The following MINDY4 variants were observed in gnomAD, a reference collection of about 807,000 sequenced individuals.
The protein encoded by MINDY4 is probable ubiquitin carboxyl-terminal hydrolase MINDY-4.
Under a neutral mutation model 87.0 loss-of-function variants are expected in MINDY4, and 68 were observed. That is an observed-to-expected ratio of 0.78 (90% CI 0.64 to 0.96). The LOEUF (loss-of-function observed/expected upper bound fraction) is 0.96, where lower values mean the gene tolerates loss of function less well. MINDY4 is among the 40% of genes least tolerant of loss of function. The pLI is 0.00. For synonymous variants in MINDY4, 379 were observed against 363.2 expected (o/e 1.04, Z -0.50); for missense variants, 919 against 928.2 (o/e 0.99, Z 0.13).
intron 13 of MINDY4, among the ~76,000 whole-genome samples, chr7:30,867,431 A>C (rs1789973909): frequency 6.6e-6 from 1 of 152,144 alleles, no homozygotes. Flanking sequence ...CCGAATGCCA[A>C]ATGCTTTATA....
At chr7:30,866,797 T>C (rs373458904) in intron 13 of MINDY4, among the ~76,000 whole-genome samples, 40 of 152,042 alleles carry the variant, frequency 2.6e-4, no homozygotes, top group African/African-American at 8.7e-4. Flanking sequence ...TGGGAAGAGG[T>C]GGGTGGCAGA....
chr7:30,872,232 G>T lies in MINDY4; in HGVS notation c.1746-11G>T, dbSNP rs201431961. On this transcript the variant is annotated splice_polypyrimidine_tract_variant and intron_variant, in intron 13 of 17. Coordinates refer to ENST00000265299, the MANE Select transcript of MINDY4 (RefSeq NM_032222.3). The stretch of plus-strand genomic sequence containing the variant: ...CAGAGCTGTGCTAACAATGCTTCTT[G>T]TGTTTTCCAGCATCCGCCAGGACTT... 1.4e-5 allele frequency: 23 copies of T among 1,614,032 alleles called. No individual in the cohort carries two copies. Among genetic ancestry groups the T allele is most frequent in the Non-Finnish European group, 1.9e-5 (22 of 1,179,938 alleles).
intron 12 of MINDY4, among the ~76,000 whole-genome samples, chr7:30,856,093 G>A (rs1789560937): frequency 6.6e-6 from 1 of 152,164 alleles, no homozygotes; most frequent in African/African-American, 2.4e-5. Context: ...CCAGCTGGAG[G>A]ATGCCCCCAC....
rs542348378 is a variant in MINDY4 at position 30,839,409 on chromosome 7, A to G, written c.1356+93A>G. ...CCCAGTTTTGGTTAATCCTGTGAGC[A>G]TTAGCTGAGCTATTCTGGACCAGCC... On this transcript the variant is annotated intron_variant, in intron 8 of 17. Transcript: ENST00000265299. 5.5e-6 allele frequency: 4 copies of G among 722,348 alleles called. 1 individual carries two copies. The South Asian group carries it at 6.6e-5, about 12-fold the overall frequency. The allele number at this position is 722,348 out of a possible 1,614,324, so 44.7% of individuals were successfully genotyped here.
intron 3 of MINDY4, 67 bp downstream of exon 3, chr7:30,782,279 A>C: frequency 8.1e-7 from 1 of 1,235,870 alleles, no homozygotes; most frequent in Non-Finnish European, 1.1e-6. Context: ...TATGTACTTC[A>C]TGGCTGTTTC....
At chr7:30,879,502 C>T (rs1364607007) in intron 15 of MINDY4, among the ~76,000 whole-genome samples, 1 of 152,230 alleles carries the variant, frequency 6.6e-6, no homozygotes, top group South Asian at 2.1e-4. Flanking sequence ...CTTCTCACCA[C>T]CCCCAATGCC....
At chr7:30,786,958 A>G (rs949691654) in intron 4 of MINDY4, among the ~76,000 whole-genome samples, 1 of 152,234 alleles carries the variant, frequency 6.6e-6, no homozygotes, top group Non-Finnish European at 1.5e-5. Flanking sequence ...AGCCTGAGCC[A>G]ATCAAAAACA....
At chr7:30,775,151 C>G (rs1204301764) in intron 1 of MINDY4, among the ~76,000 whole-genome samples, 1 of 152,184 alleles carries the variant, frequency 6.6e-6, no homozygotes, top group Non-Finnish European at 1.5e-5. Flanking sequence ...CAATTCAAAT[C>G]AGTCCTGACA....
intron 12 of MINDY4, among the ~76,000 whole-genome samples, chr7:30,855,775 C>A (rs1789550923): frequency 6.6e-6 from 1 of 152,226 alleles, no homozygotes; most frequent in South Asian, 2.1e-4. Context: ...TTCAGTGATG[C>A]CTCTGGACTC....
At chr7:30,860,950 G>C (rs979342652) in intron 13 of MINDY4, among the ~76,000 whole-genome samples, 1 of 152,102 alleles carries the variant, frequency 6.6e-6, no homozygotes, top group East Asian at 1.9e-4. Flanking sequence ...CATACACAAA[G>C]ACAAACATGG....
chr7:30,879,372 C>T (rs1369913374), intron 15 of MINDY4, among the ~76,000 whole-genome samples: 1 of 152,224 alleles, frequency 6.6e-6, no homozygotes, highest in African/African-American at 2.4e-5. Flanking sequence ...ACCCTAGTGA[C>T]ATCTCAGACC....
intron 5 of MINDY4, among the ~76,000 whole-genome samples, chr7:30,804,275 C>T (rs1182509686): frequency 6.6e-6 from 1 of 152,186 alleles, no homozygotes; most frequent in African/African-American, 2.4e-5. Context: ...ACTCATTCCA[C>T]AAGAAGTTAG....
chr7:30,798,004 G>A (rs747437369), intron 5 of MINDY4, among the ~76,000 whole-genome samples: 4 of 152,190 alleles, frequency 2.6e-5, no homozygotes, highest in Non-Finnish European at 5.9e-5. Flanking sequence ...ACCTGGGAGA[G>A]TTTGGGGTGC....
At chr7:30,777,984 G>A (rs990825090) in intron 1 of MINDY4, among the ~76,000 whole-genome samples, 1 of 152,212 alleles carries the variant, frequency 6.6e-6, no homozygotes, top group East Asian at 1.9e-4. Flanking sequence ...GGGTCCCAGA[G>A]TCATGGACTC....
chr7:30,845,885 G>C (rs370449280), intron 9 of MINDY4, among the ~76,000 whole-genome samples: 8 of 152,210 alleles, frequency 5.3e-5, no homozygotes, highest in African/African-American at 1.9e-4. Context: ...TCCTCAGTCG[G>C]GAAGGATGGA....
At chr7:30,778,339 T>TTGG in intron 1 of MINDY4, 93 bp from the exon 2 acceptor site, 3 of 1,505,700 alleles carry the variant, frequency 2.0e-6, no homozygotes, top group Non-Finnish European at 2.8e-6. Context: ...GAGAATTATC[T>TTGG]TGGTGAACAT....
intron 6 of MINDY4, among the ~76,000 whole-genome samples, chr7:30,833,249 G>GT (rs1387284723): frequency 6.6e-6 from 1 of 152,210 alleles, no homozygotes; most frequent in Non-Finnish European, 1.5e-5. Flanking sequence ...AAGGAAACAA[G>GT]TTTAATAGAG....
Position 30,785,269 on chromosome 7 carries a change from G to GACACACAC in MINDY4, c.420-455_420-448dup, listed in dbSNP as rs3138796. On this transcript the variant is annotated intron_variant, in intron 3 of 17. Coordinates refer to ENST00000265299, the MANE Select transcript of MINDY4 (RefSeq NM_032222.3). ...TCTCTTACTTCCTCTCTCTCTCTCT[G>GACACACAC]ACACACACACACACACACACACACA... Among the ~76,000 whole-genome samples, 206 of 138,598 alleles carry GACACACAC rather than the reference G, an allele frequency of 1.5e-3. 1 individual carries two copies. Among genetic ancestry groups the GACACACAC allele is most frequent in the African/African-American group, 4.9e-3 (195 of 39,930 alleles). The allele number at this position is 138,598 out of a possible 152,430, so 90.9% of individuals were successfully genotyped here. A position where few individuals can be genotyped will look rare whatever the true frequency, so the allele number is the denominator to read the frequency against.
At chr7:30,775,924 G>T (rs1321423765) in intron 1 of MINDY4, among the ~76,000 whole-genome samples, 1 of 152,142 alleles carries the variant, frequency 6.6e-6, no homozygotes, top group African/African-American at 2.4e-5. Flanking sequence ...CAAAACTTTG[G>T]AATTATTCTT....
Sources: allele counts gnomAD v4.1 joint callset (sites outside exome capture counted in the v4.1 genomes callset), GRCh38; gene constraint gnomAD v4.1.1; transcripts MANE v1.5; gene names NCBI Gene and HGNC (gene_info 2026-07-23, HGNC 2026-07-21).